Variants in TMEM150B observed in about 807,000 individuals in gnomAD.
TMEM150B encodes modulator of macroautophagy TMEM150B.
TMEM150B carries 33 observed loss-of-function variants against 25.2 expected under a neutral mutation model. The observed-to-expected ratio is 1.31, with a 90% CI of 0.99 to 1.75. The LOEUF (loss-of-function observed/expected upper bound fraction) is 1.75, where lower values mean the gene tolerates loss of function less well. TMEM150B is among the 40% of genes most tolerant of loss of function. The pLI is 0.00. For missense variants in TMEM150B, 322 were observed against 306.1 expected (o/e 1.05, Z -0.39); for synonymous variants, 133 against 134.8 (o/e 0.99, Z 0.09).
intron 2 of TMEM150B, among the ~76,000 whole-genome samples, chr19:55,322,169 A>G (rs939122605): frequency 2.0e-5 from 3 of 152,098 alleles, no homozygotes; most frequent in African/African-American, 7.2e-5. Flanking sequence ...CCAGTCCCTC[A>G]GCCCCTCCTC....
chr19:55,318,625 G>T (rs1432182325), intron 6 of TMEM150B, among the ~76,000 whole-genome samples: 1 of 152,104 alleles, frequency 6.6e-6, no homozygotes, highest in African/African-American at 2.4e-5. Context: ...GACAGAGCAA[G>T]ACTCCATCTC....
chr19:55,310,942 C>T (rs2088775905), downstream of TMEM150B, among the ~76,000 whole-genome samples: 1 of 152,024 alleles, frequency 6.6e-6, no homozygotes, highest in Non-Finnish European at 1.5e-5. This position sits in a 1 kb window ranked among gnomAD's most constrained non-coding sequence, Gnocchi z 5.0. Context: ...ACCGTGGTTG[C>T]TATGACAAGC....
At chr19:55,312,429 C>A, downstream of TMEM150B, 1 of 186,194 alleles carries the variant, frequency 5.4e-6, no homozygotes, top group Non-Finnish European at 1.1e-5. Flanking sequence ...GGCCCCTCCT[C>A]CCCTGGTCCT....
chr19:55,317,600 T>C (rs2089047847), intron 6 of TMEM150B, among the ~76,000 whole-genome samples: 1 of 151,990 alleles, frequency 6.6e-6, no homozygotes, highest in Non-Finnish European at 1.5e-5. Context: ...GCCAACATGG[T>C]GAAACCCTGT....
At chr19:55,321,909 C>G (rs573056614) in intron 2 of TMEM150B, among the ~76,000 whole-genome samples, 1 of 152,294 alleles carries the variant, frequency 6.6e-6, no homozygotes, top group East Asian at 1.9e-4. Flanking sequence ...CTCCCCTCCA[C>G]TCTCCTTCCT....
At chr19:55,321,363 A>G (rs2089203677) in intron 2 of TMEM150B, among the ~76,000 whole-genome samples, 1 of 151,508 alleles carries the variant, frequency 6.6e-6, no homozygotes, top group Non-Finnish European at 1.5e-5. Flanking sequence ...CCTCCTGGAG[A>G]TGCTCACCTC....
intron 7 of TMEM150B, among the ~76,000 whole-genome samples, chr19:55,314,614 A>G (rs1359880251): frequency 6.6e-6 from 1 of 151,838 alleles, no homozygotes; most frequent in Non-Finnish European, 1.5e-5. Flanking sequence ...TACCCCACCC[A>G]AGAGACTACT....
At chr19:55,311,074 G>A (rs1029272199), downstream of TMEM150B, among the ~76,000 whole-genome samples, 2 of 152,050 alleles carry the variant, frequency 1.3e-5, no homozygotes, top group African/African-American at 2.4e-5. Flanking sequence ...TGATTCTCCC[G>A]CCTCAGCCTG....
chr19:55,319,293 A>C (rs1388127601), intron 6 of TMEM150B, among the ~76,000 whole-genome samples: 1 of 150,700 alleles, frequency 6.6e-6, no homozygotes. Context: ...TTGTATTTTT[A>C]GTAGAGATGG....
At chr19:55,311,296 C>G (rs1450581063), downstream of TMEM150B, among the ~76,000 whole-genome samples, 2 of 152,114 alleles carry the variant, frequency 1.3e-5, no homozygotes, top group Non-Finnish European at 1.5e-5. Flanking sequence ...ACGAGGTCTC[C>G]GCCACGGGAC....
In TMEM150B at chr19:55,320,376, C is replaced by T; in HGVS notation, c.196+15G>A. The stretch of plus-strand genomic sequence containing the variant: ...GGCTTGGGAGCACTGAACCAAAGGG[C>T]TGGGCAATATTTACCCAGAGCAGCT... On this transcript the variant is annotated intron_variant, in intron 5 of 7. Coordinates refer to ENST00000326652, the MANE Select transcript of TMEM150B (RefSeq NM_001282011.2). The T allele has an allele frequency of 6.5e-7, 1 of 1,528,370 alleles. No homozygotes were observed. The highest frequency in any genetic ancestry group is 2.3e-5 in the East Asian group (1 of 43,694). 94.7% of individuals were successfully genotyped at this position (1,528,370 alleles called of 1,614,324 possible). A position where few individuals can be genotyped will look rare whatever the true frequency, so the allele number is the denominator to read the frequency against.
At chr19:55,323,047 T>C (rs1436286064) in intron 1 of TMEM150B, among the ~76,000 whole-genome samples, 5 of 152,134 alleles carry the variant, frequency 3.3e-5, no homozygotes, top group African/African-American at 1.2e-4. Flanking sequence ...ACTCTTCCCT[T>C]AGACACAGAA....
intron 7 of TMEM150B, 40 bp from the exon 8 acceptor site, chr19:55,313,095 C>T (rs760819288): frequency 3.2e-6 from 5 of 1,555,710 alleles, no homozygotes; most frequent in South Asian, 2.4e-5. Context: ...CCGTGACAGA[C>T]GCGGAGCCCG....
chr19:55,313,013 G>T lies in TMEM150B; in HGVS notation c.548C>A (p.Ala183Asp). 6.2e-7 allele frequency: 1 copy of T among 1,613,510 alleles called. No homozygotes were observed. Among genetic ancestry groups the T allele is most frequent in the Non-Finnish European group, 8.5e-7 (1 of 1,179,842 alleles). The change falls in exon 8 of 8, where the codon GCC becomes GAC. Residue 183 changes from alanine (A) to aspartate (D), a missense_variant. By Grantham distance (126) the Ala-to-Asp change is moderately radical. Transcript: ENST00000326652. ...CAGCATGGCCACGACCCACTCGCAGGCCGCAGAGACGCTACGCAGCGAGCA... is the reference window on the plus strand; with the variant it reads ...CAGCATGGCCACGACCCACTCGCAGTCCGCAGAGACGCTACGCAGCGAGCA... ...HACSLRSVSA[A>D]CEWVVAMLLF...
chr19:55,325,225 T>C (rs1288883897), intron 1 of TMEM150B, 47 bp downstream of exon 1: 1 of 970,870 alleles, frequency 1.0e-6, no homozygotes, highest in African/African-American at 1.8e-5. Context: ...GGGACAGGGC[T>C]CCAGCCTGCC....
chr19:55,311,878 G>A (rs373370443), downstream of TMEM150B: 98 of 1,606,626 alleles, frequency 6.1e-5, 1 homozygote, highest in Middle Eastern at 9.9e-4. Context: ...CCTGGGCTGC[G>A]GAACCCACGA....
chr19:55,312,896 G>C lies in TMEM150B; in HGVS notation c.665C>G (p.Pro222Arg), dbSNP rs781178373. 1 of 1,602,204 alleles carries C rather than the reference G, an allele frequency of 6.2e-7. No homozygotes were observed. The change falls in exon 8 of 8, where the codon CCG becomes CGG. Residue 222 changes from proline (P) to arginine (R), a missense_variant. By Grantham distance (103) the Pro-to-Arg change is moderately radical. Coordinates refer to ENST00000326652, the MANE Select transcript of TMEM150B (RefSeq NM_001282011.2). ...CGGCAGGGAGATGGGGGAGGCCGGCGGGGGGCTGAGGCTGGGCCACGGCTG... is the reference window on the plus strand; with the variant it reads ...CGGCAGGGAGATGGGGGAGGCCGGCCGGGGGCTGAGGCTGGGCCACGGCTG... ...CVQPWPSLSPPPASPISLPVQ... is the reference protein window; with the variant it reads ...CVQPWPSLSPRPASPISLPVQ...
At chr19:55,311,212 T>C (rs1045191822), downstream of TMEM150B, among the ~76,000 whole-genome samples, 2 of 152,188 alleles carry the variant, frequency 1.3e-5, no homozygotes, top group Admixed American at 1.3e-4. Context: ...TCTGCCTGCC[T>C]CAGCCTCCCA....
At chr19:55,316,674 G>A (rs781665437) in intron 7 of TMEM150B, 112 bp downstream of exon 7, 31 of 1,153,960 alleles carry the variant, frequency 2.7e-5, no homozygotes, top group Non-Finnish European at 3.3e-5. Context: ...CCTGTGCAAA[G>A]AGTGAGGCCC....
Sources: gnomAD v4.1 joint callset for allele counts (sites outside exome capture counted in the v4.1 genomes callset) on GRCh38, gnomAD v4.1.1 for gene constraint, Gnocchi (gnomAD v3.1) non-coding constraint, MANE v1.5 for transcripts, NCBI Gene and HGNC (gene_info 2026-07-23, HGNC 2026-07-21) for gene names.